Variants in PUDP observed in about 807,000 individuals in gnomAD.
PUDP encodes the protein pseudouridine 5'-phosphatase.
In PUDP, 8 loss-of-function variants were observed where a neutral mutation model predicts 9.4. That is an observed-to-expected ratio of 0.85 (90% CI 0.50 to 1.53). The LOEUF (loss-of-function observed/expected upper bound fraction) is 1.53. Among genes scored for constraint, PUDP ranks in the 40% most tolerant of loss-of-function variants. The pLI is 0.00. For synonymous variants in PUDP, 99 were observed against 80.7 expected (o/e 1.23, Z -1.22); for missense variants, 188 against 189.7 (o/e 0.99, Z 0.05).
intron 1 of PUDP, among the ~76,000 whole-genome samples, chrX:7,026,651 A>C (rs1929714741): frequency 9.0e-6 from 1 of 111,242 alleles, no homozygotes; most frequent in Admixed American, 9.5e-5. Context: ...ACATTTGGTA[A>C]TATCTAGAGA....
chrX:7,000,598 TA>T (rs1324462116), intron 1 of PUDP, among the ~76,000 whole-genome samples: 8 of 108,279 alleles, frequency 7.4e-5, no homozygotes, highest in African/African-American at 1.7e-4. Context: ...AAAATATAAA[TA>T]AAAAATATAT....
At chrX:6,752,833 T>G (rs1295550406) in intron 3 of PUDP, among the ~76,000 whole-genome samples, 1 of 111,897 alleles carries the variant, frequency 8.9e-6, no homozygotes, top group African/African-American at 3.2e-5. Context: ...GTTGGTCACC[T>G]AATACAGGAG....
intron 3 of PUDP, among the ~76,000 whole-genome samples, chrX:6,894,811 G>A (rs949615219): frequency 7.1e-5 from 8 of 111,895 alleles, no homozygotes; most frequent in South Asian, 7.5e-4. Context: ...TCAGTCGTTC[G>A]ACCCTGAAAA....
At chrX:6,814,257 C>T (rs998941138) in intron 3 of PUDP, among the ~76,000 whole-genome samples, 9 of 111,168 alleles carry the variant, frequency 8.1e-5, no homozygotes, top group Non-Finnish European at 1.7e-4. Flanking sequence ...ATCTGAAACC[C>T]TACAAATCTT....
chrX:7,049,971 T>G lies in PUDP; in HGVS notation c.*325A>C. 4.8e-6 allele frequency: 1 copy of G among 207,743 alleles called. No individual in the cohort carries two copies. Among genetic ancestry groups the G allele is most frequent in the East Asian group, 9.0e-5 (1 of 11,121 alleles). 17.1% of individuals were successfully genotyped at this position (207,743 alleles called of 1,213,427 possible). Reference sequence around the variant, plus strand: ...GCATATTACCAAACTGATACACACATGTATATATGGAGGTGTGTGTGTATA... The same window carrying G: ...GCATATTACCAAACTGATACACACAGGTATATATGGAGGTGTGTGTGTATA... On this transcript the variant is annotated 3_prime_UTR_variant, in exon 4 of 4. Coordinates refer to ENST00000381077, the MANE Select transcript of PUDP (RefSeq NM_012080.5).
At chrX:6,936,933 A>G (rs1439506208) in intron 3 of PUDP, among the ~76,000 whole-genome samples, 2 of 89,449 alleles carry the variant, frequency 2.2e-5, no homozygotes, top group African/African-American at 8.1e-5. Flanking sequence ...AGGGATGTGA[A>G]GGACCTCTTC....
In PUDP at chrX:7,145,324, C is replaced by T. The variant is rs1000281227; in HGVS notation, c.61+2729G>A. 2.7e-5 allele frequency among the ~76,000 whole-genome samples: 3 copies of T among 112,039 alleles called. No homozygotes were observed. In the Admixed American group the frequency reaches 2.9e-4, roughly 11 times the overall value. ...GGCTCAATTCTATGAGACAGAACTG[C>T]TCTGGACAACAAACTGTCTTCTCTT... is the stretch of plus-strand genomic sequence containing the variant. On this transcript the variant is annotated intron_variant, in intron 1 of 3. Coordinates refer to ENST00000381077, the MANE Select transcript of PUDP (RefSeq NM_012080.5).
At chrX:7,092,803 T>C (rs944454425) in intron 2 of PUDP, among the ~76,000 whole-genome samples, 6 of 111,756 alleles carry the variant, frequency 5.4e-5, no homozygotes, top group African/African-American at 2.0e-4. Context: ...CTGTCTTCCC[T>C]GATAAGAGTG....
intron 1 of PUDP, among the ~76,000 whole-genome samples, chrX:7,010,057 G>A (rs1209678542): frequency 9.0e-6 from 1 of 111,656 alleles, no homozygotes; most frequent in African/African-American, 3.3e-5. Context: ...AAACATTCAT[G>A]CAAGTCAATA....
rs146855166 is a variant in PUDP at position 6,752,848 on chromosome X, G to A, written c.*248-46382C>T. ...GTTGGTCACCTAATACAGGAGCCACGCATTTTATTTTCTCAGGAATATGTG... is the reference window on the plus strand; with the variant it reads ...GTTGGTCACCTAATACAGGAGCCACACATTTTATTTTCTCAGGAATATGTG... On this transcript the variant is annotated intron_variant and NMD_transcript_variant, in intron 3 of 3. Coordinates refer to the PUDP transcript ENST00000655425. Among the ~76,000 whole-genome samples the A allele has an allele frequency of 4.0e-3, 444 of 111,574 alleles. 3 individuals are homozygous for A. The highest frequency in any genetic ancestry group is 5.2e-3 in the Admixed American group (55 of 10,573).
chrX:6,775,263 T>C (rs1925431018), intron 3 of PUDP, among the ~76,000 whole-genome samples: 1 of 112,260 alleles, frequency 8.9e-6, no homozygotes, highest in South Asian at 3.7e-4. Context: ...TATATTGTAG[T>C]ATACACTAGT....
chrX:7,103,480 T>G (rs1250865845), intron 2 of PUDP, among the ~76,000 whole-genome samples: 1 of 112,436 alleles, frequency 8.9e-6, no homozygotes, highest in East Asian at 2.8e-4. Flanking sequence ...TAAAGTTTCA[T>G]GAAATTGGAA....
intron 3 of PUDP, among the ~76,000 whole-genome samples, chrX:6,974,791 T>C (rs961832648): frequency 8.9e-6 from 1 of 111,757 alleles, no homozygotes; most frequent in Non-Finnish European, 1.9e-5. Flanking sequence ...TCCTGGATAA[T>C]AACTTGAAGA....
At chrX:6,857,497 C>T (rs1254788990) in intron 3 of PUDP, among the ~76,000 whole-genome samples, 2 of 112,305 alleles carry the variant, frequency 1.8e-5, no homozygotes, top group Admixed American at 9.4e-5. Context: ...GCAGTGACAC[C>T]ATCAGAACTC....
At chrX:7,012,570 A>G (rs1167062459) in intron 1 of PUDP, among the ~76,000 whole-genome samples, 1 of 111,220 alleles carries the variant, frequency 9.0e-6, no homozygotes, top group Non-Finnish European at 1.9e-5. Context: ...ATGGGAAGGG[A>G]TTAGATTAGG....
At chrX:6,896,158 T>C (rs1288023901) in intron 3 of PUDP, among the ~76,000 whole-genome samples, 1 of 111,865 alleles carries the variant, frequency 8.9e-6, no homozygotes. Context: ...CCTACTCCAG[T>C]TTATATTATA....
chrX:6,749,956 G>A (rs974526337), intron 3 of PUDP, among the ~76,000 whole-genome samples: 1 of 112,012 alleles, frequency 8.9e-6, no homozygotes, highest in Non-Finnish European at 1.9e-5. Flanking sequence ...AATGACTATT[G>A]ACTAACAGCA....
upstream of PUDP, among the ~76,000 whole-genome samples, chrX:6,724,218 C>T (rs1924711861): frequency 9.0e-6 from 1 of 110,979 alleles, no homozygotes; most frequent in South Asian, 3.8e-4. Flanking sequence ...TGGAAAAAAG[C>T]ACAATTTCAG....
chrX:6,787,148 C>T (rs982077186), intron 3 of PUDP, among the ~76,000 whole-genome samples: 3 of 110,851 alleles, frequency 2.7e-5, no homozygotes, highest in East Asian at 2.8e-4. Flanking sequence ...GACAGAGCTC[C>T]GAAATGATTT....
Sources: gnomAD v4.1 joint callset for allele counts (sites outside exome capture counted in the v4.1 genomes callset) on GRCh38, gnomAD v4.1.1 for gene constraint, MANE v1.5 for transcripts, NCBI Gene and HGNC (gene_info 2026-07-23, HGNC 2026-07-21) for gene names.